Variants in GALNT1 observed in about 807,000 individuals in gnomAD.
GALNT1 encodes polypeptide N-acetylgalactosaminyltransferase 1.
In GALNT1, 17 loss-of-function variants were observed where a neutral mutation model predicts 65.7. The observed-to-expected ratio is 0.26, with a 90% confidence interval of 0.18 to 0.39. GALNT1 has a LOEUF of 0.39. Among genes scored for constraint, GALNT1 ranks in the 10% least tolerant of loss-of-function variants. GALNT1 has a pLI of 1.00. For missense variants in GALNT1, 460 were observed against 672.8 expected (o/e 0.68, Z 3.50); for synonymous variants, 210 against 219.7 (o/e 0.96, Z 0.39).
In GALNT1 at chr18:35,584,842, G is replaced by A. The variant is rs185736855; in HGVS notation, c.-104+2980G>A. Among the ~76,000 whole-genome samples, 99 of 152,282 alleles carry A rather than the reference G, an allele frequency of 6.5e-4. 2 individuals carry two copies. The highest frequency in any genetic ancestry group is 6.1e-3 in the Admixed American group (93 of 15,296). ...AGGTGGAGCTCAGGCAGTAATGCTC[G>A]CTTGCCCACTGCTCACCTCCTGCTG... On this transcript the variant is annotated intron_variant, in intron 1 of 11. Transcript: ENST00000269195.
At chr18:35,620,497 G>T (rs1005299506) in intron 1 of GALNT1, among the ~76,000 whole-genome samples, 14 of 152,278 alleles carry the variant, frequency 9.2e-5, no homozygotes, top group African/African-American at 3.4e-4. Context: ...TGATATAGTT[G>T]AAGCCCTTCC....
At chr18:35,583,207 C>T (rs1285758164) in intron 1 of GALNT1, among the ~76,000 whole-genome samples, 4 of 152,136 alleles carry the variant, frequency 2.6e-5, no homozygotes, top group Admixed American at 2.0e-4. Flanking sequence ...GATGGTGTAC[C>T]AGCAGCATCC....
intron 11 of GALNT1, among the ~76,000 whole-genome samples, chr18:35,704,826 T>C (rs2048229437): frequency 6.6e-6 from 1 of 151,842 alleles, no homozygotes; most frequent in Non-Finnish European, 1.5e-5. Context: ...GTACTTTTAG[T>C]AGAGACAGGG....
At chr18:35,666,451 C>T (rs2047550423) in intron 3 of GALNT1, among the ~76,000 whole-genome samples, 1 of 152,164 alleles carries the variant, frequency 6.6e-6, no homozygotes, top group African/African-American at 2.4e-5. Context: ...AGACTCTCCA[C>T]AGTCTACAGT....
At chr18:35,705,867 G>A (rs1475744315) in intron 11 of GALNT1, among the ~76,000 whole-genome samples, 1 of 152,202 alleles carries the variant, frequency 6.6e-6, no homozygotes, top group Non-Finnish European at 1.5e-5. Context: ...TGGCCACAAG[G>A]TGGTTGCTGC....
chr18:35,664,088 T>C (rs766252421), intron 3 of GALNT1: 15 of 354,938 alleles, frequency 4.2e-5, no homozygotes, highest in Non-Finnish European at 6.7e-5. Flanking sequence ...CTCAACTTTT[T>C]ACAAAAAGAT....
chr18:35,625,441 A>T (rs1196924896), intron 1 of GALNT1, among the ~76,000 whole-genome samples: 3 of 152,218 alleles, frequency 2.0e-5, no homozygotes, highest in Non-Finnish European at 2.9e-5. Flanking sequence ...ATAATTTAAG[A>T]TGGCTAAGAT....
At chr18:35,652,114 C>T (rs563299966) in intron 1 of GALNT1, among the ~76,000 whole-genome samples, 22 of 151,810 alleles carry the variant, frequency 1.4e-4, no homozygotes, top group South Asian at 4.1e-4. Context: ...CTTCCTGGTA[C>T]GGTTATGATC....
chr18:35,640,675 T>G (rs1422978830), intron 1 of GALNT1, among the ~76,000 whole-genome samples: 1 of 152,182 alleles, frequency 6.6e-6, no homozygotes, highest in Non-Finnish European at 1.5e-5. Flanking sequence ...AAGACTTGTT[T>G]TACCATATAT....
In GALNT1 at chr18:35,711,261, T is replaced by C. The variant is rs1022044404; in HGVS notation, c.*1491T>C. 72 of 152,720 alleles carry C rather than the reference T, an allele frequency of 4.7e-4. No individual in the cohort carries two copies. The highest frequency in any genetic ancestry group is 1.7e-3 in the African/African-American group (70 of 41,580). 9.5% of individuals were successfully genotyped at this position (152,720 alleles called of 1,614,324 possible). A position where few individuals can be genotyped will look rare whatever the true frequency, so the allele number is the denominator to read the frequency against. On this transcript the variant is annotated 3_prime_UTR_variant, in exon 12 of 12. Coordinates refer to ENST00000269195, the MANE Select transcript of GALNT1 (RefSeq NM_020474.4). Reference sequence around the variant, plus strand: ...AAAAATGCATATATTTTCTTTCATATTTGTAAAATTATATTTAATGGAATT... The same window carrying C: ...AAAAATGCATATATTTTCTTTCATACTTGTAAAATTATATTTAATGGAATT...
intron 6 of GALNT1, among the ~76,000 whole-genome samples, chr18:35,687,962 CACTG>C (rs2144637766): frequency 6.6e-6 from 1 of 152,290 alleles, no homozygotes; most frequent in South Asian, 2.1e-4. Flanking sequence ...AGAGATTTTC[CACTG>C]ACTGTGTGCT....
At chr18:35,590,249 GTT>G (rs1260519457) in intron 1 of GALNT1, among the ~76,000 whole-genome samples, 4 of 152,118 alleles carry the variant, frequency 2.6e-5, no homozygotes, top group Non-Finnish European at 5.9e-5. Flanking sequence ...TCCATTTGTT[GTT>G]CAGTGTTTAG....
intron 1 of GALNT1, among the ~76,000 whole-genome samples, chr18:35,608,595 C>T (rs890206306): frequency 5.3e-5 from 8 of 152,094 alleles, no homozygotes; most frequent in South Asian, 2.1e-4. Context: ...TTTAATAAAC[C>T]TTAGTGTCTA....
intron 3 of GALNT1, among the ~76,000 whole-genome samples, chr18:35,670,895 C>T (rs12709678): frequency 0.094 from 14,260 of 152,106 alleles, 748 homozygotes; most frequent in Admixed American, 0.17. Flanking sequence ...AAATGAATGA[C>T]GCTGGGTCAA....
chr18:35,635,853 CA>C (rs2047081888), intron 1 of GALNT1, among the ~76,000 whole-genome samples: 1 of 151,772 alleles, frequency 6.6e-6, no homozygotes, highest in African/African-American at 2.4e-5. Context: ...AAGAGTAATA[CA>C]AAAATATTAA....
chr18:35,617,321 T>G (rs2046796533), intron 1 of GALNT1, among the ~76,000 whole-genome samples: 1 of 152,220 alleles, frequency 6.6e-6, no homozygotes, highest in South Asian at 2.1e-4. Flanking sequence ...CTATATGCCT[T>G]GCTTTTGTTC....
At chr18:35,704,863 T>TG (rs1009617965) in intron 11 of GALNT1, among the ~76,000 whole-genome samples, 1 of 151,906 alleles carries the variant, frequency 6.6e-6, no homozygotes, top group Non-Finnish European at 1.5e-5. Flanking sequence ...AGGCTGGTCT[T>TG]GAACTCCTGA....
chr18:35,595,940 G>A (rs1422535511), intron 1 of GALNT1: 3 of 152,198 alleles, frequency 2.0e-5, no homozygotes, highest in African/African-American at 7.2e-5. Context: ...CCAGTTGGGT[G>A]TGACATGCTG....
chr18:35,601,781 C>T (rs1344781053), intron 1 of GALNT1, among the ~76,000 whole-genome samples: 3 of 152,150 alleles, frequency 2.0e-5, no homozygotes, highest in Non-Finnish European at 4.4e-5. Context: ...GTTACATGTT[C>T]AGTAAATGTG....
Sources: gnomAD v4.1 joint callset for allele counts (sites outside exome capture counted in the v4.1 genomes callset) on GRCh38, gnomAD v4.1.1 for gene constraint, MANE v1.5 for transcripts, NCBI Gene and HGNC (gene_info 2026-07-23, HGNC 2026-07-21) for gene names.